Variants in CCDC186 observed in about 807,000 individuals in gnomAD.
The protein encoded by CCDC186 is coiled-coil domain containing 186.
Under a neutral mutation model 113.7 loss-of-function variants are expected in CCDC186, and 49 were observed. That is an observed-to-expected ratio of 0.43 (90% CI 0.34 to 0.55). The LOEUF (loss-of-function observed/expected upper bound fraction) is 0.55, where lower values mean the gene tolerates loss of function less well. Ranked by LOEUF, CCDC186 falls within the 20% of genes least tolerant of loss-of-function variation. CCDC186 has a pLI of 0.02. For synonymous variants in CCDC186, 355 were observed against 345.8 expected, an observed-to-expected ratio of 1.03 and a Z score of -0.30; for missense variants, 890 against 1,011.1, an observed-to-expected ratio of 0.88 and a Z score of 1.62.
At chr10:114,149,975 T>A (rs1156323188) in intron 4 of CCDC186, among the ~76,000 whole-genome samples, 1 of 152,130 alleles carries the variant, frequency 6.6e-6, no homozygotes, top group African/African-American at 2.4e-5. Flanking sequence ...TCCCTTCAAT[T>A]GGTACAAAAG....
intron 6 of CCDC186, 108 bp from the exon 7 acceptor site, chr10:114,137,398 C>A: frequency 6.1e-6 from 4 of 653,346 alleles, no homozygotes; most frequent in Non-Finnish European, 1.1e-5. Flanking sequence ...ACTGAGGGGC[C>A]GATTATTATT....
chr10:114,128,652 T>C (rs2030988568), intron 13 of CCDC186, among the ~76,000 whole-genome samples: 1 of 152,148 alleles, frequency 6.6e-6, no homozygotes, highest in African/African-American at 2.4e-5. Context: ...GCAGGGTAAA[T>C]GGTATGTTTC....
chr10:114,151,009 A>G, intron 4 of CCDC186, 83 bp downstream of exon 4: 1 of 1,516,892 alleles, frequency 6.6e-7, no homozygotes, highest in East Asian at 2.3e-5. Flanking sequence ...TGAGGTCCAA[A>G]ATAGTCTAAC....
At position 114,153,220 on chromosome 10, in the gene CCDC186, A is replaced by C. The variant is rs73355754; in HGVS notation, c.760-2000T>G. ...CAGAGGATATGCTAGGTTACAAACA[A>C]ACTTCCATAAATTTAAAAGATTAAA... On this transcript the variant is annotated intron_variant, in intron 3 of 15. Transcript: ENST00000369287. Among the ~76,000 whole-genome samples the C allele has an allele frequency of 6.1e-3, 930 of 152,360 alleles. 11 individuals are homozygous for C. The highest frequency in any genetic ancestry group is 0.021 in the African/African-American group (880 of 41,582).
chr10:114,169,121 C>G (rs1356033714), intron 1 of CCDC186, among the ~76,000 whole-genome samples: 2 of 151,806 alleles, frequency 1.3e-5, no homozygotes, highest in East Asian at 1.9e-4. Flanking sequence ...TAAGGTTTGC[C>G]AGGGCTCCAT....
At chr10:114,164,755 T>C (rs558060824) in intron 1 of CCDC186, among the ~76,000 whole-genome samples, 4 of 152,210 alleles carry the variant, frequency 2.6e-5, no homozygotes, top group Non-Finnish European at 5.9e-5. Context: ...AGAGATATAC[T>C]AAATTTTTAA....
Position 114,136,263 on chromosome 10 carries a change from A to C in CCDC186, c.1327-17T>G. 6.3e-7 allele frequency: 1 copy of C among 1,578,978 alleles called. No individual in the cohort carries two copies. Among genetic ancestry groups the C allele is most frequent in the Non-Finnish European group, 8.7e-7 (1 of 1,154,638 alleles). On this transcript the variant is annotated splice_polypyrimidine_tract_variant and intron_variant, in intron 7 of 15. Transcript: ENST00000369287. Reference sequence around the variant, plus strand: ...TTCTGACTCCTAGTGGAAAGAAAACAAAAAAAGTGTGACAATTTTTAACCC... The same window carrying C: ...TTCTGACTCCTAGTGGAAAGAAAACCAAAAAAGTGTGACAATTTTTAACCC...
chr10:114,137,784 C>T (rs2031313653), intron 6 of CCDC186, among the ~76,000 whole-genome samples: 1 of 151,754 alleles, frequency 6.6e-6, no homozygotes, highest in South Asian at 2.1e-4. Flanking sequence ...TGCCTGTAAT[C>T]CCAGCACTTT....
chr10:114,162,918 T>G lies in CCDC186; in HGVS notation c.351A>C (p.Gln117His). The G allele has an allele frequency of 1.9e-6, 3 of 1,613,602 alleles. No homozygotes were observed. Among genetic ancestry groups the G allele is most frequent in the Non-Finnish European group, 2.5e-6 (3 of 1,179,870 alleles). ...TAGATGACCTTAATTCCACCAATAT[T>G]TGTGTTACTTTCTGTTCTGTTTCAT... ...KTNETEQKVT[Q>H]ILVELRSSTF... The change falls in exon 2 of 16, where the codon CAA becomes CAC. Residue 117 changes from glutamine (Q) to histidine (H), a missense_variant. Physicochemically the swap from Gln to His is conservative, Grantham distance 24. Coordinates refer to ENST00000369287, the MANE Select transcript of CCDC186 (RefSeq NM_018017.4).
rs775309877 is a variant in CCDC186, at chr10:114,163,042, C to A, written c.227G>T (p.Gly76Val). 1.4e-5 allele frequency: 22 copies of A among 1,614,108 alleles called. No individual in the cohort carries two copies. The highest frequency in any genetic ancestry group is 1.9e-5 in the Non-Finnish European group (22 of 1,179,996). ...GTCTGTTTTGGCACAAGAATCCTCA[C>A]CTCCACCATGATCTGGAATATAATT... ...QENYIPDHGG[G>V]EDSCAKTDTG... is the part of the protein sequence containing the mutation. Residue 76 changes from glycine (G) to valine (V), a missense_variant, in exon 2 of 16, where the codon GGT becomes GTT. By Grantham distance (109) the Gly-to-Val change is moderately radical (BLOSUM62 -3). Transcript: ENST00000369287.
chr10:114,129,226 C>G (rs1004147432), intron 13 of CCDC186, among the ~76,000 whole-genome samples: 2 of 151,812 alleles, frequency 1.3e-5, no homozygotes, highest in Non-Finnish European at 2.9e-5. Context: ...ACTTGAGAGG[C>G]TGAGGTGGGA....
At chr10:114,156,521 T>C (rs993083731) in intron 3 of CCDC186, among the ~76,000 whole-genome samples, 3 of 151,836 alleles carry the variant, frequency 2.0e-5, no homozygotes, top group African/African-American at 7.3e-5. Context: ...AGGTCAGGAG[T>C]TCAAGACCAG....
intron 2 of CCDC186, among the ~76,000 whole-genome samples, chr10:114,159,293 G>A (rs1289477321): frequency 5.9e-5 from 9 of 152,156 alleles, no homozygotes; most frequent in Non-Finnish European, 1.2e-4. Context: ...GAACAACAAA[G>A]GGAGGGGGAA....
rs530267818 is a variant in CCDC186, at chr10:114,157,379, A to G, written c.759+175T>C. Among the ~76,000 whole-genome samples the G allele has an allele frequency of 2.0e-5, 3 of 147,016 alleles. No individual in the cohort carries two copies. In the East Asian group the frequency reaches 5.9e-4, roughly 29 times the overall value. On this transcript the variant is annotated intron_variant, in intron 3 of 15. Coordinates refer to ENST00000369287, the MANE Select transcript of CCDC186 (RefSeq NM_018017.4). ...TCTATTTTTTTTTTTTTTTGTAGAG[A>G]CAGGGTTTCACCATGTTGCCCAGGC...
intron 11 of CCDC186, 114 bp from the exon 12 acceptor site, chr10:114,131,450 T>C (rs2031084914): frequency 1.1e-6 from 1 of 878,622 alleles, no homozygotes; most frequent in South Asian, 2.5e-5. Flanking sequence ...TCTTCTATTA[T>C]TATTCCTTAT....
intron 11 of CCDC186, among the ~76,000 whole-genome samples, chr10:114,131,671 G>C (rs1390713145): frequency 6.6e-6 from 1 of 152,028 alleles, no homozygotes; most frequent in African/African-American, 2.4e-5. Flanking sequence ...AAAATATACA[G>C]TGATTCTAGT....
In CCDC186 at chr10:114,124,836, AG is replaced by A. The variant is rs2030837897; in HGVS notation, c.*306del. ...TTTTAAAGGGAAGAAATATGAACAA[AG>A]GGTTTTTTATAAAAGCCCTTGTAAT... On this transcript the variant is annotated 3_prime_UTR_variant, in exon 16 of 16. Coordinates refer to ENST00000369287, the MANE Select transcript of CCDC186 (RefSeq NM_018017.4). 4.0e-6 allele frequency: 1 copy of A among 246,922 alleles called. No individual in the cohort carries two copies. Among genetic ancestry groups the A allele is most frequent in the Non-Finnish European group, 7.6e-6 (1 of 130,856 alleles). 15.3% of individuals were successfully genotyped at this position (246,922 alleles called of 1,614,324 possible).
In CCDC186 at chr10:114,130,161, A is replaced by G. The variant is rs552028920; in HGVS notation, c.2102-190T>C. ...TTGGAAATGTAAAAGTCAAGTACAA[A>G]ATATACAGAAACAACATTATAACTG... On this transcript the variant is annotated intron_variant, in intron 12 of 15. Coordinates refer to ENST00000369287, the MANE Select transcript of CCDC186 (RefSeq NM_018017.4). 6.3e-5 allele frequency: 28 copies of G among 447,766 alleles called. No individual in the cohort carries two copies. In the South Asian group the frequency reaches 7.6e-4, roughly 12 times the overall value. 27.7% of individuals were successfully genotyped at this position (447,766 alleles called of 1,614,324 possible). A position where few individuals can be genotyped will look rare whatever the true frequency, so the allele number is the denominator to read the frequency against.
intron 1 of CCDC186, chr10:114,166,019 G>T: frequency 1.2e-6 from 1 of 811,750 alleles, no homozygotes; most frequent in Non-Finnish European, 1.5e-6. Flanking sequence ...TAAGTTTTTT[G>T]TAGTAACCAA....
Sources: gnomAD v4.1 joint callset for allele counts (sites outside exome capture counted in the v4.1 genomes callset) on GRCh38, gnomAD v4.1.1 for gene constraint, MANE v1.5 for transcripts, NCBI Gene and HGNC (gene_info 2026-07-23, HGNC 2026-07-21) for gene names.